Variants in TSPAN9 observed in about 807,000 individuals in gnomAD.
TSPAN9 encodes the protein tetraspanin-9.
Under a neutral mutation model 31.0 loss-of-function variants are expected in TSPAN9, and 16 were observed. That is an observed-to-expected ratio of 0.52 (90% confidence interval 0.35 to 0.78). TSPAN9 has a LOEUF of 0.78. TSPAN9 is among the 30% of genes least tolerant of loss of function. The probability of loss-of-function intolerance (pLI) is 0.01; values close to 1 mark genes in which losing one functional copy is unlikely to be tolerated. For synonymous variants in TSPAN9, 145 were observed against 121.6 expected (o/e 1.19, Z -1.27); for missense variants, 272 against 312.5 (o/e 0.87, Z 0.98).
At chr12:3,112,810 G>C (rs765754213) in intron 2 of TSPAN9, among the ~76,000 whole-genome samples, 1 of 149,150 alleles carries the variant, frequency 6.7e-6, no homozygotes, top group Admixed American at 6.8e-5. Context: ...AGACTCCCCC[G>C]TAGCTGGGGC....
intron 2 of TSPAN9, among the ~76,000 whole-genome samples, chr12:3,138,921 G>A (rs1340998918): frequency 1.3e-5 from 2 of 152,106 alleles, no homozygotes; most frequent in Non-Finnish European, 2.9e-5. Context: ...CCCTCAGCCC[G>A]TGCTCTGTTC....
intron 2 of TSPAN9, among the ~76,000 whole-genome samples, chr12:3,092,230 C>T (rs2061009827): frequency 6.6e-6 from 1 of 152,188 alleles, no homozygotes; most frequent in African/African-American, 2.4e-5. Context: ...CCTTAGTTCT[C>T]TGCTCAGGTC....
chr12:3,249,602 T>C (rs947775156), intron 3 of TSPAN9, among the ~76,000 whole-genome samples: 2 of 152,198 alleles, frequency 1.3e-5, no homozygotes, highest in Non-Finnish European at 2.9e-5. Flanking sequence ...GTCTGACTTG[T>C]CCACAAGGTC....
At chr12:3,201,049 C>A in intron 2 of TSPAN9, 128 bp from the exon 3 acceptor site, 1 of 845,184 alleles carries the variant, frequency 1.2e-6, no homozygotes, top group Non-Finnish European at 1.9e-6. Flanking sequence ...CCGGCGCCTT[C>A]TACGGCACCG....
chr12:3,124,618 C>G (rs536091455), intron 2 of TSPAN9, among the ~76,000 whole-genome samples: 1 of 151,904 alleles, frequency 6.6e-6, no homozygotes, highest in Non-Finnish European at 1.5e-5. Context: ...CTATGTTGAT[C>G]AGGCTTATCT....
At chr12:3,271,544 G>GA (rs10709802) in intron 3 of TSPAN9, among the ~76,000 whole-genome samples, 1,551 of 143,432 alleles carry the variant, frequency 0.011, 13 homozygotes, top group African/African-American at 0.025. Context: ...GAGGTATGCA[G>GA]AAAAAAAAAA....
chr12:3,140,785 T>G (rs1412481394), intron 2 of TSPAN9, among the ~76,000 whole-genome samples: 1 of 151,824 alleles, frequency 6.6e-6, no homozygotes, highest in Non-Finnish European at 1.5e-5. Flanking sequence ...CAGAATGCTG[T>G]GAGGTTCCTG....
At chr12:3,246,034 T>A (rs1271092922) in intron 3 of TSPAN9, among the ~76,000 whole-genome samples, 1 of 151,882 alleles carries the variant, frequency 6.6e-6, no homozygotes, top group African/African-American at 2.4e-5. Context: ...GAAAAGAGGT[T>A]TAATTGGCTC....
intron 2 of TSPAN9, among the ~76,000 whole-genome samples, chr12:3,160,567 C>T (rs149104684): frequency 5.2e-4 from 79 of 152,278 alleles, no homozygotes; most frequent in Non-Finnish European, 1.0e-3. Context: ...TAATGTATTC[C>T]AATTGGGAAT....
At chr12:3,244,317 G>A (rs918403414) in intron 3 of TSPAN9, among the ~76,000 whole-genome samples, 2 of 152,054 alleles carry the variant, frequency 1.3e-5, no homozygotes, top group African/African-American at 4.8e-5. Context: ...TCTTTTTCTG[G>A]ACCTCCAAAG....
Position 3,145,316 on chromosome 12 carries a change from C to T in TSPAN9, c.-17-55861C>T, listed in dbSNP as rs151094764. Among the ~76,000 whole-genome samples the T allele has an allele frequency of 3.8e-3, 579 of 152,320 alleles. 2 individuals are homozygous for T. Among genetic ancestry groups the T allele is most frequent in the African/African-American group, 0.013 (560 of 41,566 alleles). On this transcript the variant is annotated intron_variant, in intron 2 of 8. Coordinates refer to ENST00000011898, the MANE Select transcript of TSPAN9 (RefSeq NM_006675.5). ...TCCCTGACTGCCAGTCCATGGTGCT[C>T]TTGTTCTTCCTTGGCAGTGCTCTTG...
At chr12:3,152,979 A>G (rs933510740) in intron 2 of TSPAN9, among the ~76,000 whole-genome samples, 1 of 152,210 alleles carries the variant, frequency 6.6e-6, no homozygotes, top group African/African-American at 2.4e-5. Context: ...CACACACCTG[A>G]CGGGTGGGGG....
At chr12:3,216,468 C>T (rs2098381462) in intron 3 of TSPAN9, among the ~76,000 whole-genome samples, 1 of 152,140 alleles carries the variant, frequency 6.6e-6, no homozygotes, top group South Asian at 2.1e-4. Flanking sequence ...GGAGCTTCTC[C>T]AGCATCAAGC....
chr12:3,119,176 A>G (rs2153966045), intron 2 of TSPAN9, among the ~76,000 whole-genome samples: 1 of 152,302 alleles, frequency 6.6e-6, no homozygotes, highest in Non-Finnish European at 1.5e-5. Context: ...CTCTGCCCTC[A>G]GGATGCTTAT....
rs2153964786 is a variant in TSPAN9 at position 3,105,783 on chromosome 12, CAT to C, written c.-18+22066_-18+22067del. On this transcript the variant is annotated intron_variant, in intron 2 of 8. Coordinates refer to ENST00000011898, the MANE Select transcript of TSPAN9 (RefSeq NM_006675.5). ...GCACACACGCGCACGCACACACGCT[CAT>C]ACACACTCACGCACACATGCGCACA... 2.7e-5 allele frequency among the ~76,000 whole-genome samples: 4 copies of C among 149,774 alleles called. No individual in the cohort carries two copies. In the South Asian group the frequency reaches 6.3e-4, roughly 24 times the overall value.
intron 3 of TSPAN9, among the ~76,000 whole-genome samples, chr12:3,209,168 GAGGTTGC>G (rs1319249673): frequency 7.3e-5 from 11 of 151,630 alleles, no homozygotes. Flanking sequence ...CCGGGAGGTG[GAGGTTGC>G]AGTGAGCCAA....
intron 3 of TSPAN9, among the ~76,000 whole-genome samples, chr12:3,233,984 G>A (rs984834306): frequency 6.6e-6 from 1 of 152,202 alleles, no homozygotes; most frequent in African/African-American, 2.4e-5. Flanking sequence ...CCCACAGGCT[G>A]CAGAGAATAG....
chr12:3,182,718 A>G (rs2098359106), intron 2 of TSPAN9, among the ~76,000 whole-genome samples: 1 of 151,998 alleles, frequency 6.6e-6, no homozygotes, highest in Non-Finnish European at 1.5e-5. Flanking sequence ...AGTGAGGGGG[A>G]GAAAGTGGGA....
intron 3 of TSPAN9, among the ~76,000 whole-genome samples, chr12:3,209,402 C>G (rs1224211210): frequency 6.6e-6 from 1 of 152,140 alleles, no homozygotes; most frequent in Non-Finnish European, 1.5e-5. Context: ...TTATTTCCTC[C>G]TTTTTCTAAA....
Sources: allele counts gnomAD v4.1 joint callset (sites outside exome capture counted in the v4.1 genomes callset), GRCh38; gene constraint gnomAD v4.1.1; transcripts MANE v1.5; gene names NCBI Gene and HGNC (gene_info 2026-07-23, HGNC 2026-07-21).